The following TXLNB variants were observed in gnomAD, a reference collection of about 807,000 sequenced individuals.
The protein encoded by TXLNB is taxilin beta.
In TXLNB, 37 loss-of-function variants were observed where a neutral mutation model predicts 57.4. The ratio of observed to expected loss-of-function variants is 0.64; its 90% confidence interval spans 0.50 to 0.85. The LOEUF (loss-of-function observed/expected upper bound fraction) is 0.85. Among genes scored for constraint, TXLNB ranks in the 40% least tolerant of loss-of-function variants. The pLI is 0.00. For missense variants in TXLNB, 848 were observed against 825.6 expected, an observed-to-expected ratio of 1.03 and a Z score of -0.33; for synonymous variants, 302 against 309.6, an observed-to-expected ratio of 0.98 and a Z score of 0.26.
the TXLNB span, chr6:139,166,633 C>T: frequency 3.0e-5 from 48 of 1,614,024 alleles, no homozygotes; most frequent in Middle Eastern, 1.6e-4. Context: ...AGTCTGGCTC[C>T]GAGAAGAACA....
At chr6:139,304,728 T>A in the TXLNB span, among the ~76,000 whole-genome samples, 2 of 152,214 alleles carry the variant, frequency 1.3e-5, no homozygotes, top group African/African-American at 4.8e-5. Flanking sequence ...GAGTCCAGCC[T>A]TTAATGAAGC....
rs758799861 is a variant in TXLNB at position 139,262,682 on chromosome 6, T to C, written c.779A>G (p.Gln260Arg). 3 of 1,614,258 alleles carry C rather than the reference T, an allele frequency of 1.9e-6. No individual in the cohort carries two copies. Among genetic ancestry groups the C allele is most frequent in the Non-Finnish European group, 1.7e-6 (2 of 1,180,042 alleles). ...ATTTCGCTCACTCTGCTGCTCGATCTGGCCCTGGATGTCCGTGAGGGTACT... is the reference window on the plus strand; with the variant it reads ...ATTTCGCTCACTCTGCTGCTCGATCCGGCCCTGGATGTCCGTGAGGGTACT... ...FQSTLTDIQG[Q>R]IEQQSERNMK... is the part of the protein sequence containing the mutation. Residue 260 changes from glutamine (Q) to arginine (R), a missense_variant, in exon 5 of 10, where the codon CAG (glutamine) becomes CGG (arginine). Gln to Arg is a conservative substitution (Grantham distance 43, BLOSUM62 1). Coordinates refer to ENST00000358430, the MANE Select transcript of TXLNB (RefSeq NM_153235.4).
the TXLNB span, among the ~76,000 whole-genome samples, chr6:139,181,351 C>T: frequency 6.6e-6 from 1 of 152,224 alleles, no homozygotes; most frequent in Admixed American, 6.5e-5. Context: ...AAACAATTCA[C>T]ATAGTTTAAA....
chr6:139,167,318 C>G, the TXLNB span: 1 of 1,581,962 alleles, frequency 6.3e-7, no homozygotes, highest in South Asian at 1.1e-5. Flanking sequence ...TCCTTGTCAC[C>G]TTCAAGGTAT....
chr6:139,215,304 C>A, the TXLNB span, among the ~76,000 whole-genome samples: 2 of 151,842 alleles, frequency 1.3e-5, no homozygotes, highest in African/African-American at 4.8e-5. Context: ...CAGAACAGAG[C>A]CCTCAGAAAT....
chr6:139,182,401 A>C, the TXLNB span, among the ~76,000 whole-genome samples: 1 of 152,234 alleles, frequency 6.6e-6, no homozygotes, highest in South Asian at 2.1e-4. Flanking sequence ...AAAGTTGCAG[A>C]AAAAAGAAGT....
At chr6:139,313,882 C>CA in the TXLNB span, among the ~76,000 whole-genome samples, 1 of 152,148 alleles carries the variant, frequency 6.6e-6, no homozygotes, top group African/African-American at 2.4e-5. Context: ...AAAACTAGCT[C>CA]AGGCCATGAT....
chr6:139,220,961 G>T, the TXLNB span, among the ~76,000 whole-genome samples: 1 of 152,194 alleles, frequency 6.6e-6, no homozygotes, highest in Non-Finnish European at 1.5e-5. Context: ...TCTGCTTCTT[G>T]TAAGGGTAGA....
the TXLNB span, among the ~76,000 whole-genome samples, chr6:139,229,804 TA>T: frequency 7.9e-5 from 12 of 152,180 alleles, no homozygotes; most frequent in Admixed American, 5.9e-4. Flanking sequence ...ATGGTGACAA[TA>T]AAAAGCAGAC....
chr6:139,255,285 C>T (rs529708461), intron 7 of TXLNB: 1 of 437,944 alleles, frequency 2.3e-6, no homozygotes, highest in South Asian at 2.0e-5. Flanking sequence ...AACCTGGACA[C>T]TGGCTGACTC....
the TXLNB span, among the ~76,000 whole-genome samples, chr6:139,196,365 G>GTTTTTTT: frequency 5.1e-5 from 2 of 38,966 alleles, no homozygotes; most frequent in East Asian, 4.0e-4. Flanking sequence ...TCCAGATCTG[G>GTTTTTTT]TTTTTTTTTT....
Position 139,291,625 on chromosome 6 carries a change from C to T in TXLNB, c.-15+296G>A, listed in dbSNP as rs375142126. The stretch of plus-strand genomic sequence containing the variant: ...AAAACAAAGTCAGAGAACTTTGTTA[C>T]TTTTCAATCATCCATTTTATATTAT... On this transcript the variant is annotated intron_variant, in intron 1 of 9. Coordinates refer to ENST00000358430, the MANE Select transcript of TXLNB (RefSeq NM_153235.4). Among the ~76,000 whole-genome samples, 10 of 152,254 alleles carry T rather than the reference C, an allele frequency of 6.6e-5. No individual in the cohort carries two copies. In the South Asian group the frequency reaches 2.1e-3, roughly 32 times the overall value.
chr6:139,267,891 A>G, intron 4 of TXLNB, among the ~76,000 whole-genome samples: 1 of 152,150 alleles, frequency 6.6e-6, no homozygotes, highest in East Asian at 1.9e-4. Context: ...GGTGGCTCAC[A>G]CCTGTAATCC....
At chr6:139,271,814 C>T (rs1318926007) in intron 3 of TXLNB, 3 of 152,328 alleles carry the variant, frequency 2.0e-5, no homozygotes, top group Admixed American at 1.3e-4. Flanking sequence ...GCCATTTCCT[C>T]CACTGGCCTC....
At chr6:139,317,797 T>C in the TXLNB span, among the ~76,000 whole-genome samples, 1 of 152,138 alleles carries the variant, frequency 6.6e-6, no homozygotes, top group African/African-American at 2.4e-5. Flanking sequence ...ATGAAAGTTA[T>C]AGTTGAGAAA....
In TXLNB at chr6:139,282,205, A is replaced by G. The variant is rs1160229170; in HGVS notation, c.425-5284T>C. 2.7e-5 allele frequency among the ~76,000 whole-genome samples: 4 copies of G among 150,242 alleles called. No individual in the cohort carries two copies. In the East Asian group the frequency reaches 7.9e-4, roughly 30 times the overall value. On this transcript the variant is annotated intron_variant, in intron 2 of 9. Coordinates refer to ENST00000358430, the MANE Select transcript of TXLNB (RefSeq NM_153235.4). The stretch of plus-strand genomic sequence containing the variant: ...TCAGAAAATATCAAAGCTGCAGTTT[A>G]TTACTCTCTCAGAGAAACTAGAAAT...
chr6:139,194,720 T>A, the TXLNB span, among the ~76,000 whole-genome samples: 2 of 152,224 alleles, frequency 1.3e-5, no homozygotes, highest in African/African-American at 4.8e-5. Flanking sequence ...AACAGCCCTG[T>A]CTGCAAAACT....
At chr6:139,182,683 CAAT>C in the TXLNB span, among the ~76,000 whole-genome samples, 1 of 152,140 alleles carries the variant, frequency 6.6e-6, no homozygotes, top group Non-Finnish European at 1.5e-5. Flanking sequence ...CCTTTGAGGA[CAAT>C]AAAGTGCTGT....
At chr6:139,227,485 T>A in the TXLNB span, among the ~76,000 whole-genome samples, 3 of 152,216 alleles carry the variant, frequency 2.0e-5, no homozygotes, top group Non-Finnish European at 2.9e-5. Context: ...TTGAAATTAT[T>A]GTTACAATCT....
Sources: gnomAD v4.1 joint callset for allele counts (sites outside exome capture counted in the v4.1 genomes callset) on GRCh38, gnomAD v4.1.1 for gene constraint, MANE v1.5 for transcripts, NCBI Gene and HGNC (gene_info 2026-07-23, HGNC 2026-07-21) for gene names.